Variants in RHBDD1 observed in about 807,000 individuals in gnomAD.
RHBDD1 encodes the protein rhomboid domain containing 1, also known as rhomboid-related protein 4.
RHBDD1 carries 38 observed loss-of-function variants against 36.3 expected under a neutral mutation model. The ratio of observed to expected loss-of-function variants is 1.05; its 90% CI spans 0.81 to 1.37. RHBDD1 has a LOEUF of 1.37. Ranked by LOEUF, RHBDD1 falls within the 40% of genes most tolerant of loss-of-function variation. RHBDD1 has a pLI of 0.00. For synonymous variants in RHBDD1, 151 were observed against 136.5 expected (o/e 1.11, Z -0.74); for missense variants, 393 against 377.6 (o/e 1.04, Z -0.34).
intron 8 of RHBDD1, among the ~76,000 whole-genome samples, chr2:226,968,734 T>C (rs1200232559): frequency 6.6e-6 from 1 of 152,022 alleles, no homozygotes; most frequent in Non-Finnish European, 1.5e-5. Flanking sequence ...CTAGAGGGGG[T>C]GACTATTAAA....
chr2:226,893,004 GTGCA>G, intron 5 of RHBDD1, among the ~76,000 whole-genome samples: 1 of 152,348 alleles, frequency 6.6e-6, no homozygotes, highest in African/African-American at 2.4e-5. Flanking sequence ...GGGAAGGGCA[GTGCA>G]TTCATTCATG....
chr2:226,840,880 T>C (rs1941537187), intron 3 of RHBDD1, among the ~76,000 whole-genome samples: 1 of 152,084 alleles, frequency 6.6e-6, no homozygotes, highest in Non-Finnish European at 1.5e-5. Context: ...TACATATAAT[T>C]TGGGTTTTTT....
At chr2:226,885,683 A>G (rs759970532) in intron 5 of RHBDD1, among the ~76,000 whole-genome samples, 13 of 152,198 alleles carry the variant, frequency 8.5e-5, no homozygotes, top group Non-Finnish European at 1.3e-4. Context: ...GGTATTATTT[A>G]TGGCTTTTTC....
upstream of RHBDD1, among the ~76,000 whole-genome samples, chr2:226,831,980 A>G (rs1254819227): frequency 6.6e-6 from 1 of 151,130 alleles, no homozygotes; most frequent in African/African-American, 2.4e-5. Flanking sequence ...TCTAAAAAAC[A>G]AACTTTTGAT....
upstream of RHBDD1, chr2:226,835,736 C>T (rs1940886456): frequency 6.6e-6 from 1 of 152,352 alleles, no homozygotes; most frequent in Non-Finnish European, 1.5e-5. Context: ...GCTTGTTTGC[C>T]TTACGCGTAG....
At chr2:226,950,092 T>A (rs1369983892) in intron 8 of RHBDD1, among the ~76,000 whole-genome samples, 1 of 152,208 alleles carries the variant, frequency 6.6e-6, no homozygotes, top group African/African-American at 2.4e-5. Context: ...CTTCATGATT[T>A]TCAAGAATAC....
At chr2:226,990,327 A>G (rs769126613) in intron 8 of RHBDD1, among the ~76,000 whole-genome samples, 1 of 152,208 alleles carries the variant, frequency 6.6e-6, no homozygotes, top group Non-Finnish European at 1.5e-5. Context: ...CATGGGTCGC[A>G]TGCTGCTGCC....
intron 8 of RHBDD1, among the ~76,000 whole-genome samples, chr2:226,990,109 A>G (rs559833342): frequency 6.6e-6 from 1 of 152,360 alleles, no homozygotes; most frequent in East Asian, 1.9e-4. Context: ...AGAGAATATT[A>G]TAATTAGTGA....
chr2:226,803,632 T>C, the RHBDD1 span, among the ~76,000 whole-genome samples: 1 of 152,024 alleles, frequency 6.6e-6, no homozygotes, highest in Non-Finnish European at 1.5e-5. Flanking sequence ...GTGGAAAAAA[T>C]AGGCACAGGG....
intron 8 of RHBDD1, among the ~76,000 whole-genome samples, chr2:226,937,098 G>T (rs866511098): frequency 6.6e-6 from 1 of 152,100 alleles, no homozygotes; most frequent in Non-Finnish European, 1.5e-5. Flanking sequence ...AGTTTTTGAT[G>T]TGTATATTCT....
intron 3 of RHBDD1, among the ~76,000 whole-genome samples, chr2:226,859,744 G>A (rs945868393): frequency 9.2e-5 from 14 of 152,154 alleles, no homozygotes; most frequent in African/African-American, 3.4e-4. Context: ...CATAGTGGCG[G>A]GCAGGGAACT....
chr2:226,892,804 C>G (rs909717227), intron 5 of RHBDD1, among the ~76,000 whole-genome samples: 3 of 151,928 alleles, frequency 2.0e-5, no homozygotes, highest in African/African-American at 4.8e-5. Context: ...TTGGAATTTC[C>G]TGGGGAATTA....
chr2:226,978,777 G>A (rs1955051503), intron 8 of RHBDD1, among the ~76,000 whole-genome samples: 1 of 152,138 alleles, frequency 6.6e-6, no homozygotes, highest in African/African-American at 2.4e-5. Flanking sequence ...CCCTCACTGG[G>A]GGTGATCAGA....
chr2:226,986,804 A>G (rs1957052055), intron 8 of RHBDD1, among the ~76,000 whole-genome samples: 1 of 152,222 alleles, frequency 6.6e-6, no homozygotes, highest in African/African-American at 2.4e-5. Context: ...TGGAAATACC[A>G]TTTGACTCAG....
chr2:226,826,782 A>C, the RHBDD1 span, among the ~76,000 whole-genome samples: 1 of 151,778 alleles, frequency 6.6e-6, no homozygotes, highest in Admixed American at 6.6e-5. Context: ...GGCCTCCCAC[A>C]GTGCTGGGAT....
chr2:226,849,245 G>A (rs529696781), intron 3 of RHBDD1, among the ~76,000 whole-genome samples: 3 of 152,298 alleles, frequency 2.0e-5, no homozygotes, highest in South Asian at 4.1e-4. Flanking sequence ...ACCAATTTAG[G>A]TTCCAGATTG....
At chr2:226,888,651 T>A (rs1574967921) in intron 5 of RHBDD1, among the ~76,000 whole-genome samples, 1 of 152,182 alleles carries the variant, frequency 6.6e-6, no homozygotes, top group Non-Finnish European at 1.5e-5. Flanking sequence ...GAAAAACTTA[T>A]GTTTGTGAAA....
chr2:226,988,176 T>C (rs576924148), intron 8 of RHBDD1, among the ~76,000 whole-genome samples: 1 of 152,336 alleles, frequency 6.6e-6, no homozygotes, highest in South Asian at 2.1e-4. Context: ...TACTCTTTTC[T>C]TTTTAAAATA....
the RHBDD1 span, among the ~76,000 whole-genome samples, chr2:226,821,987 A>T: frequency 6.6e-6 from 1 of 152,250 alleles, no homozygotes; most frequent in East Asian, 1.9e-4. Flanking sequence ...ATTAAGTTTC[A>T]GGGGGTTTGA....
Sources: gnomAD v4.1 joint callset for allele counts (sites outside exome capture counted in the v4.1 genomes callset) on GRCh38, gnomAD v4.1.1 for gene constraint, MANE v1.5 for transcripts, NCBI Gene and HGNC (gene_info 2026-07-23, HGNC 2026-07-21) for gene names.